The following HS6ST3 variants were observed in gnomAD, a reference collection of about 807,000 sequenced individuals.
HS6ST3 encodes the protein heparan-sulfate 6-O-sulfotransferase 3.
In HS6ST3, 12 loss-of-function variants were observed where a neutral mutation model predicts 36.7. The observed-to-expected ratio is 0.33, with a 90% confidence interval of 0.21 to 0.53. The LOEUF (loss-of-function observed/expected upper bound fraction) is 0.53. Ranked by LOEUF, HS6ST3 falls within the 20% of genes least tolerant of loss-of-function variation. HS6ST3 has a pLI of 0.95. For synonymous variants in HS6ST3, 240 were observed against 257.5 expected (o/e 0.93, Z 0.65); for missense variants, 584 against 640.9 (o/e 0.91, Z 0.96).
At chr13:96,543,915 G>A (rs959396082) in intron 1 of HS6ST3, among the ~76,000 whole-genome samples, 1 of 151,300 alleles carries the variant, frequency 6.6e-6, no homozygotes, top group Non-Finnish European at 1.5e-5. Flanking sequence ...AGGATGGAAT[G>A]ATGTGTTTCA....
chr13:96,692,978 A>G (rs1433533385), intron 1 of HS6ST3, among the ~76,000 whole-genome samples: 1 of 152,208 alleles, frequency 6.6e-6, no homozygotes, highest in Non-Finnish European at 1.5e-5. Flanking sequence ...ATTTGTAGCT[A>G]ACTGTTGGTT....
chr13:96,838,633 T>C lies in HS6ST3; in HGVS notation c.*5435T>C, dbSNP rs907756964. 1.3e-5 allele frequency: 2 copies of C among 152,434 alleles called. No individual in the cohort carries two copies. The highest frequency in any genetic ancestry group is 2.9e-5 in the Non-Finnish European group (2 of 68,218). The allele number at this position is 152,434 out of a possible 1,614,324, so 9.4% of individuals were successfully genotyped here. On this transcript the variant is annotated 3_prime_UTR_variant, in exon 2 of 2. Transcript: ENST00000376705. ...TCTTCTCCCCTTCCGCCATCTCCAC[T>C]GGACATAAGCCAATGCCTGCTCTCT...
chr13:96,235,110 A>G (rs1223117904), intron 1 of HS6ST3, among the ~76,000 whole-genome samples: 2 of 152,198 alleles, frequency 1.3e-5, no homozygotes, highest in African/African-American at 4.8e-5. Context: ...ACCATGTTGT[A>G]GAAGAATCTT....
intron 1 of HS6ST3, among the ~76,000 whole-genome samples, chr13:96,803,641 T>C (rs1878134450): frequency 6.6e-6 from 1 of 152,220 alleles, no homozygotes. Flanking sequence ...CAAACAGCCC[T>C]ATATTCAAAT....
intron 1 of HS6ST3, among the ~76,000 whole-genome samples, chr13:96,716,995 C>A (rs1594843692): frequency 6.6e-6 from 1 of 152,118 alleles, no homozygotes; most frequent in Non-Finnish European, 1.5e-5. Flanking sequence ...GACTGACAAT[C>A]GGGTCCATTA....
intron 1 of HS6ST3, among the ~76,000 whole-genome samples, chr13:96,318,098 G>T (rs1035985697): frequency 2.8e-4 from 42 of 152,042 alleles, no homozygotes; most frequent in African/African-American, 9.7e-4. Context: ...AATTGCTTTT[G>T]GGGACTTGGC....
chr13:96,488,917 T>C (rs1051899638), intron 1 of HS6ST3, among the ~76,000 whole-genome samples: 1 of 151,834 alleles, frequency 6.6e-6, no homozygotes, highest in Admixed American at 6.6e-5. Flanking sequence ...TTGGGGAAAA[T>C]AGATATAAAA....
chr13:96,753,169 G>A (rs1876740945), intron 1 of HS6ST3, among the ~76,000 whole-genome samples: 1 of 152,088 alleles, frequency 6.6e-6, no homozygotes, highest in Admixed American at 6.6e-5. Context: ...GTTATTATAA[G>A]GCAAGTTCTC....
At chr13:96,524,691 C>T (rs559257400) in intron 1 of HS6ST3, among the ~76,000 whole-genome samples, 1 of 152,292 alleles carries the variant, frequency 6.6e-6, no homozygotes, top group East Asian at 1.9e-4. Context: ...CGAGCCAGGC[C>T]GGTTGCAAAG....
chr13:96,442,458 A>C (rs1437817114), intron 1 of HS6ST3, among the ~76,000 whole-genome samples: 1 of 152,238 alleles, frequency 6.6e-6, no homozygotes, highest in Non-Finnish European at 1.5e-5. Context: ...ACTGACTTCC[A>C]TCTCTGAAAG....
At chr13:96,542,058 A>T (rs2056180620) in intron 1 of HS6ST3, among the ~76,000 whole-genome samples, 1 of 152,206 alleles carries the variant, frequency 6.6e-6, no homozygotes. Context: ...ATATCTACAG[A>T]TCTGAAACCT....
chr13:96,605,835 G>A (rs558181861), intron 1 of HS6ST3, among the ~76,000 whole-genome samples: 1 of 150,082 alleles, frequency 6.7e-6, no homozygotes, highest in South Asian at 2.1e-4. Context: ...CACAAGCTAT[G>A]CATCCAGCGA....
chr13:96,148,330 G>A (rs1261640628), intron 1 of HS6ST3, among the ~76,000 whole-genome samples: 1 of 152,194 alleles, frequency 6.6e-6, no homozygotes, highest in Non-Finnish European at 1.5e-5. Flanking sequence ...TATATTCAAT[G>A]AGAGATTAAA....
intron 1 of HS6ST3, among the ~76,000 whole-genome samples, chr13:96,663,185 C>T (rs2056652437): frequency 6.6e-6 from 1 of 152,104 alleles, no homozygotes; most frequent in Non-Finnish European, 1.5e-5. Flanking sequence ...GAGTCTGCAC[C>T]AGCTTCATGC....
chr13:96,837,677 G>T lies in HS6ST3; in HGVS notation c.*4479G>T, dbSNP rs1232303792. The stretch of plus-strand genomic sequence containing the variant: ...CTCTTATTAGGAATGAAATATCCAA[G>T]AGATGGGCGGTGCTGCAGGGGAGAC... On this transcript the variant is annotated 3_prime_UTR_variant, in exon 2 of 2. Transcript: ENST00000376705. 6.6e-6 allele frequency: 1 copy of T among 152,114 alleles called. No individual in the cohort carries two copies. The highest frequency in any genetic ancestry group is 1.5e-5 in the Non-Finnish European group (1 of 68,046). 9.4% of individuals were successfully genotyped at this position (152,114 alleles called of 1,614,324 possible).
chr13:96,802,325 G>C (rs370084770), intron 1 of HS6ST3, among the ~76,000 whole-genome samples: 1 of 152,130 alleles, frequency 6.6e-6, no homozygotes, highest in Non-Finnish European at 1.5e-5. Context: ...AACCAAGAGG[G>C]TCTACTCCAT....
At chr13:96,292,506 C>T (rs1376345122) in intron 1 of HS6ST3, among the ~76,000 whole-genome samples, 4 of 152,062 alleles carry the variant, frequency 2.6e-5, no homozygotes, top group South Asian at 2.1e-4. Context: ...TTATTCAGGA[C>T]ATTTTGTAAT....
chr13:96,437,131 A>G (rs1187290060), intron 1 of HS6ST3, among the ~76,000 whole-genome samples: 1 of 152,130 alleles, frequency 6.6e-6, no homozygotes, highest in Non-Finnish European at 1.5e-5. Context: ...CTTTGTTCCT[A>G]TGCTAAACTC....
At chr13:96,635,972 A>G (rs1286307912) in intron 1 of HS6ST3, among the ~76,000 whole-genome samples, 1 of 152,150 alleles carries the variant, frequency 6.6e-6, no homozygotes, top group Non-Finnish European at 1.5e-5. Flanking sequence ...AAATAATGTA[A>G]ACCTTCAGCT....
Sources: allele counts gnomAD v4.1 joint callset (sites outside exome capture counted in the v4.1 genomes callset), GRCh38; gene constraint gnomAD v4.1.1; transcripts MANE v1.5; gene names NCBI Gene and HGNC (gene_info 2026-07-23, HGNC 2026-07-21).